The following ROBO1 variants were observed in gnomAD, a reference collection of about 807,000 sequenced individuals.
ROBO1 encodes the protein roundabout guidance receptor 1.
ROBO1 carries 149 observed loss-of-function variants against 195.9 expected under a neutral mutation model. That is an observed-to-expected ratio of 0.76 (90% confidence interval 0.67 to 0.87). ROBO1 has a LOEUF of 0.87. ROBO1 is among the 40% of genes least tolerant of loss of function. ROBO1 has a pLI of 0.00. For missense variants in ROBO1, 1,933 were observed against 2,068.3 expected, an observed-to-expected ratio of 0.93 and a Z score of 1.27; for synonymous variants, 816 against 733.2, an observed-to-expected ratio of 1.11 and a Z score of -1.82.
chr3:79,015,969 A>G (rs2077922169), intron 3 of ROBO1, among the ~76,000 whole-genome samples: 1 of 152,206 alleles, frequency 6.6e-6, no homozygotes, highest in Non-Finnish European at 1.5e-5. Flanking sequence ...AATCTTGTTG[A>G]AGGTAAGTTA....
intron 4 of ROBO1, among the ~76,000 whole-genome samples, chr3:78,834,760 A>G (rs958620760): frequency 6.6e-6 from 1 of 152,118 alleles, no homozygotes; most frequent in African/African-American, 2.4e-5. Flanking sequence ...TTTCAACTGA[A>G]GTAGCCAAAT....
chr3:79,665,596 C>T (rs190813999), intron 1 of ROBO1, among the ~76,000 whole-genome samples: 33 of 151,862 alleles, frequency 2.2e-4, no homozygotes, highest in African/African-American at 7.2e-4. Context: ...ACATTTGAGT[C>T]TGTAAAATAT....
intron 4 of ROBO1, among the ~76,000 whole-genome samples, chr3:78,768,424 C>T (rs2083283259): frequency 6.6e-6 from 1 of 151,276 alleles, no homozygotes; most frequent in South Asian, 2.1e-4. Context: ...TGTTCCTGCT[C>T]ATTATAGATG....
At chr3:78,673,528 AAT>A (rs1239511613) in intron 10 of ROBO1, among the ~76,000 whole-genome samples, 55 of 125,238 alleles carry the variant, frequency 4.4e-4, no homozygotes, top group Non-Finnish European at 5.1e-4. Flanking sequence ...AATATATATA[AAT>A]ATATATATAT....
intron 2 of ROBO1, among the ~76,000 whole-genome samples, chr3:79,413,592 T>C (rs2037871949): frequency 6.6e-6 from 1 of 152,114 alleles, no homozygotes; most frequent in African/African-American, 2.4e-5. Context: ...AGCTAGAAAT[T>C]GCAATTATTA....
At chr3:78,947,403 A>C (rs970634844) in intron 3 of ROBO1, among the ~76,000 whole-genome samples, 3 of 152,274 alleles carry the variant, frequency 2.0e-5, no homozygotes, top group Middle Eastern at 3.4e-3. Context: ...GGAAACTGAA[A>C]TACCTGCTCC....
chr3:79,116,582 C>T (rs1208517425), intron 3 of ROBO1, among the ~76,000 whole-genome samples: 1 of 147,144 alleles, frequency 6.8e-6, no homozygotes. Context: ...GGCAGTGGTG[C>T]AATCTTTGCT....
At chr3:78,791,357 G>A (rs1576173000) in intron 4 of ROBO1, among the ~76,000 whole-genome samples, 1 of 152,168 alleles carries the variant, frequency 6.6e-6, no homozygotes, top group East Asian at 1.9e-4. Context: ...AGAGCAGTAA[G>A]GCACGGCAAA....
intron 2 of ROBO1, among the ~76,000 whole-genome samples, chr3:79,469,985 G>A (rs1938179058): frequency 6.6e-6 from 1 of 152,076 alleles, no homozygotes; most frequent in Non-Finnish European, 1.5e-5. Flanking sequence ...ATGAGAAAGA[G>A]TTTTTAAAAA....
At chr3:78,761,112 G>A (rs2083091555) in intron 4 of ROBO1, among the ~76,000 whole-genome samples, 1 of 152,142 alleles carries the variant, frequency 6.6e-6, no homozygotes, top group Non-Finnish European at 1.5e-5. Context: ...CTAGGTGGAA[G>A]AGGGCCAAAT....
chr3:78,871,233 A>G lies in ROBO1; in HGVS notation c.499+67368T>C, dbSNP rs537923498. Among the ~76,000 whole-genome samples, 27 of 152,316 alleles carry G rather than the reference A, an allele frequency of 1.8e-4. No homozygotes were observed. In the South Asian group the frequency reaches 4.1e-3, roughly 23 times the overall value. On this transcript the variant is annotated intron_variant, in intron 4 of 30. Coordinates refer to ENST00000464233, the MANE Select transcript of ROBO1 (RefSeq NM_002941.4). ...GGAGAGCGGCACAGGGAAGTGTCAT[A>G]AAGCCTGGTTTACCTTTGTAACCCT...
At chr3:79,628,881 C>T (rs886774058) in intron 1 of ROBO1, among the ~76,000 whole-genome samples, 1 of 151,770 alleles carries the variant, frequency 6.6e-6, no homozygotes, top group African/African-American at 2.4e-5. Context: ...TTTAAACCAA[C>T]AAAAGTAAAA....
intron 2 of ROBO1, among the ~76,000 whole-genome samples, chr3:79,555,466 CAT>C (rs1341581636): frequency 3.9e-5 from 6 of 152,002 alleles, no homozygotes; most frequent in Non-Finnish European, 5.9e-5. Flanking sequence ...AGCAGAAAAA[CAT>C]AGAGAAGAAA....
At chr3:78,672,327 C>G (rs551618902) in intron 10 of ROBO1, among the ~76,000 whole-genome samples, 1 of 152,136 alleles carries the variant, frequency 6.6e-6, no homozygotes, top group African/African-American at 2.4e-5. Flanking sequence ...CGCCTGTAAT[C>G]CTGCACTTTG....
intron 3 of ROBO1, among the ~76,000 whole-genome samples, chr3:79,003,237 C>A (rs1032892331): frequency 4.0e-4 from 61 of 152,066 alleles, no homozygotes; most frequent in African/African-American, 1.5e-3. Flanking sequence ...GTCAAATTAA[C>A]GCTGAATTTT....
chr3:79,668,718 G>A (rs755461391), intron 1 of ROBO1, among the ~76,000 whole-genome samples: 2 of 151,684 alleles, frequency 1.3e-5, no homozygotes, highest in African/African-American at 2.4e-5. Context: ...AATATAAAGA[G>A]AGAAATGCTC....
chr3:79,412,874 A>ATTTTTTTT lies in ROBO1; in HGVS notation c.88+176942_88+176949dup, dbSNP rs1167482550. Among the ~76,000 whole-genome samples the ATTTTTTTT allele has an allele frequency of 4.4e-3, 167 of 38,336 alleles. 28 individuals are homozygous for ATTTTTTTT. Among genetic ancestry groups the ATTTTTTTT allele is most frequent in the African/African-American group, 6.2e-3 (51 of 8,174 alleles). 25.1% of individuals were successfully genotyped at this position (38,336 alleles called of 152,430 possible). The stretch of plus-strand genomic sequence containing the variant: ...AATGATTTTATTGCCTCATGAGCTG[A>ATTTTTTTT]TTTTTTTTTTTTTTTTTTTTTTTTT... On this transcript the variant is annotated intron_variant, in intron 2 of 30. Transcript: ENST00000464233.
intron 2 of ROBO1, among the ~76,000 whole-genome samples, chr3:79,560,417 G>A (rs1031899904): frequency 6.7e-6 from 1 of 148,320 alleles, no homozygotes; most frequent in South Asian, 2.2e-4. Context: ...AGCATTAGGA[G>A]ATATACCTAA....
At chr3:79,426,409 C>T (rs1348790370) in intron 2 of ROBO1, among the ~76,000 whole-genome samples, 3 of 152,024 alleles carry the variant, frequency 2.0e-5, no homozygotes, top group Non-Finnish European at 4.4e-5. Flanking sequence ...CTTGCTCTGT[C>T]GCCCAGGCTG....
Sources: gnomAD v4.1 joint callset for allele counts (sites outside exome capture counted in the v4.1 genomes callset) on GRCh38, gnomAD v4.1.1 for gene constraint, MANE v1.5 for transcripts, NCBI Gene and HGNC (gene_info 2026-07-23, HGNC 2026-07-21) for gene names.